Variants in FRAS1 observed in about 807,000 individuals in gnomAD.
FRAS1 encodes extracellular matrix organizing protein FRAS1.
FRAS1 carries 290 observed loss-of-function variants against 435.2 expected under a neutral mutation model. The ratio of observed to expected loss-of-function variants is 0.67; its 90% CI spans 0.61 to 0.73. The LOEUF (loss-of-function observed/expected upper bound fraction) is 0.73. FRAS1 is among the 30% of genes least tolerant of loss of function. The pLI is 0.00. For missense variants in FRAS1, 4,860 were observed against 5,001.5 expected (o/e 0.97, Z 0.85); for synonymous variants, 1,800 against 1,851.0 (o/e 0.97, Z 0.71).
At chr4:78,502,941 T>A (rs1720726101) in intron 61 of FRAS1, among the ~76,000 whole-genome samples, 1 of 152,224 alleles carries the variant, frequency 6.6e-6, no homozygotes, top group Non-Finnish European at 1.5e-5. Context: ...TTGAATTTTG[T>A]CAAAGGCCTT....
intron 22 of FRAS1, among the ~76,000 whole-genome samples, chr4:78,365,966 G>GAA (rs199938373): frequency 7.6e-4 from 106 of 139,534 alleles, no homozygotes; most frequent in Non-Finnish European, 1.1e-3. Context: ...GTCTGTCTCA[G>GAA]AAAAAAAAAA....
intron 27 of FRAS1, among the ~76,000 whole-genome samples, chr4:78,381,286 C>T (rs1732004696): frequency 6.6e-6 from 1 of 152,162 alleles, no homozygotes; most frequent in Non-Finnish European, 1.5e-5. Flanking sequence ...CTATATTCTG[C>T]ATTCATTTTT....
intron 56 of FRAS1, among the ~76,000 whole-genome samples, chr4:78,481,005 G>A (rs1254109962): frequency 6.6e-6 from 1 of 152,218 alleles, no homozygotes; most frequent in African/African-American, 2.4e-5. Context: ...TGATTAAGCA[G>A]CTAATAAAAT....
chr4:78,415,726 G>A (rs1733529266), intron 32 of FRAS1, among the ~76,000 whole-genome samples: 1 of 152,208 alleles, frequency 6.6e-6, no homozygotes, highest in Admixed American at 6.5e-5. Flanking sequence ...TTAAGTATAA[G>A]ATAAGAATTT....
chr4:78,188,900 C>T (rs750981934), intron 2 of FRAS1, among the ~76,000 whole-genome samples: 1 of 152,188 alleles, frequency 6.6e-6, no homozygotes, highest in Non-Finnish European at 1.5e-5. Context: ...TATGGATGGA[C>T]AGTCATAAAA....
chr4:78,083,518 C>T (rs776648933), intron 2 of FRAS1, among the ~76,000 whole-genome samples: 11 of 151,622 alleles, frequency 7.3e-5, no homozygotes, highest in Admixed American at 2.0e-4. Context: ...TTGCTGTTGA[C>T]GCATGGAAAT....
At chr4:78,211,485 G>T (rs546851847) in intron 2 of FRAS1, among the ~76,000 whole-genome samples, 20 of 152,308 alleles carry the variant, frequency 1.3e-4, no homozygotes, top group African/African-American at 4.8e-4. Context: ...GGCTAACACA[G>T]ATCCATGGAG....
intron 2 of FRAS1, among the ~76,000 whole-genome samples, chr4:78,123,571 A>G (rs562153530): frequency 1.3e-5 from 2 of 152,318 alleles, no homozygotes; most frequent in African/African-American, 4.8e-5. Flanking sequence ...TTTGGGCAGT[A>G]AGGCCATTTT....
intron 36 of FRAS1, 129 bp downstream of exon 36, chr4:78,429,355 T>C: frequency 8.5e-7 from 1 of 1,171,700 alleles, no homozygotes; most frequent in Non-Finnish European, 1.2e-6. Context: ...TTCTCACCTG[T>C]ATCCTTCCTC....
At chr4:78,345,209 T>A (rs1730560903) in intron 20 of FRAS1, among the ~76,000 whole-genome samples, 2 of 152,208 alleles carry the variant, frequency 1.3e-5, no homozygotes, top group Admixed American at 6.5e-5. Context: ...GTTTTATAAT[T>A]TTCAAAGCAT....
intron 2 of FRAS1, among the ~76,000 whole-genome samples, chr4:78,232,295 T>G (rs550381280): frequency 6.6e-6 from 1 of 152,224 alleles, no homozygotes; most frequent in Admixed American, 6.5e-5. Context: ...AAGATTTTTT[T>G]TTTTTTTTGA....
intron 2 of FRAS1, among the ~76,000 whole-genome samples, chr4:78,215,429 C>T (rs1723724229): frequency 1.3e-5 from 2 of 152,082 alleles, no homozygotes; most frequent in South Asian, 4.1e-4. Context: ...CTCTTGACCT[C>T]GTGATCTGCC....
At chr4:78,102,987 G>A (rs1220797269) in intron 2 of FRAS1, among the ~76,000 whole-genome samples, 1 of 152,070 alleles carries the variant, frequency 6.6e-6, no homozygotes, top group Non-Finnish European at 1.5e-5. Flanking sequence ...GCTCATTCTG[G>A]AGCATGAAAA....
intron 2 of FRAS1, among the ~76,000 whole-genome samples, chr4:78,205,293 A>G (rs956964026): frequency 3.3e-5 from 5 of 149,570 alleles, no homozygotes; most frequent in African/African-American, 1.2e-4. Flanking sequence ...CTTGGAGTTC[A>G]TAGGCTCAAG....
chr4:78,190,777 C>T (rs1722499957), intron 2 of FRAS1, among the ~76,000 whole-genome samples: 1 of 152,162 alleles, frequency 6.6e-6, no homozygotes. Context: ...ATGTACTAGG[C>T]TGACAGTTTC....
At chr4:78,435,719 C>A (rs1356147128) in intron 38 of FRAS1, among the ~76,000 whole-genome samples, 1 of 147,776 alleles carries the variant, frequency 6.8e-6, no homozygotes, top group Non-Finnish European at 1.5e-5. Flanking sequence ...GTCTTGGCAA[C>A]AGAGTGAGAC....
At chr4:78,186,218 T>G (rs1204185461) in intron 2 of FRAS1, among the ~76,000 whole-genome samples, 1 of 152,204 alleles carries the variant, frequency 6.6e-6, no homozygotes, top group Non-Finnish European at 1.5e-5. Context: ...AGCTGTTTGA[T>G]AGACTGCTTG....
intron 32 of FRAS1, among the ~76,000 whole-genome samples, chr4:78,418,679 C>T (rs943162669): frequency 1.3e-5 from 2 of 152,156 alleles, no homozygotes; most frequent in African/African-American, 2.4e-5. Context: ...ATCCCAACCG[C>T]GTGCACTGGC....
At chr4:78,323,681 C>T (rs1294190215) in intron 18 of FRAS1, among the ~76,000 whole-genome samples, 1 of 152,152 alleles carries the variant, frequency 6.6e-6, no homozygotes, top group Non-Finnish European at 1.5e-5. Context: ...TCACTAGTGA[C>T]AACCAGTGTG....
Sources: gnomAD v4.1 joint callset for allele counts (sites outside exome capture counted in the v4.1 genomes callset) on GRCh38, gnomAD v4.1.1 for gene constraint, MANE v1.5 for transcripts, NCBI Gene and HGNC (gene_info 2026-07-23, HGNC 2026-07-21) for gene names.